Variants in ARHGAP32 observed in about 807,000 individuals in gnomAD.
The protein encoded by ARHGAP32 is rho GTPase-activating protein 32.
A neutral mutation model predicts 186.5 loss-of-function variants in ARHGAP32; 51 were observed. The ratio of observed to expected loss-of-function variants is 0.27; its 90% CI spans 0.22 to 0.35. The LOEUF is 0.35. Ranked by LOEUF, ARHGAP32 falls within the 10% of genes least tolerant of loss-of-function variation. The pLI, the probability that ARHGAP32 is intolerant of heterozygous loss-of-function variation, is 1.00. For missense variants in ARHGAP32, 2,186 were observed against 2,623.5 expected, an observed-to-expected ratio of 0.83 and a Z score of 3.64; for synonymous variants, 950 against 964.3, an observed-to-expected ratio of 0.99 and a Z score of 0.27.
rs1410122678 is a variant in ARHGAP32 at position 128,973,101 on chromosome 11, T to C, written c.3405A>G (p.Leu1135=). 2.0e-5 allele frequency: 33 copies of C among 1,614,036 alleles called. No individual in the cohort carries two copies. Among genetic ancestry groups the C allele is most frequent in the Non-Finnish European group, 2.8e-5 (33 of 1,180,034 alleles). The change falls in exon 22 of 23, where the codon CTA becomes CTG. Residue 1135 remains leucine (L), a synonymous_variant. Transcript: ENST00000682385. ...GATCCCCAGTAGCTGTTGTCTCTGG[T>C]AGAGGATGGTCACAGTTTCCTGGTG... is the stretch of plus-strand genomic sequence containing the variant. ...NNAPGNCDHP[L]PETTATGDPT... is the part of the protein sequence containing the mutation.
chr11:129,059,793 T>A (rs951483045), intron 10 of ARHGAP32, among the ~76,000 whole-genome samples: 4 of 152,000 alleles, frequency 2.6e-5, no homozygotes, highest in Non-Finnish European at 5.9e-5. Flanking sequence ...CCACTGCCCC[T>A]AGCCTGAATT....
chr11:129,177,159 C>T lies in ARHGAP32; in HGVS notation c.117-12732G>A, dbSNP rs573583924. On this transcript the variant is annotated intron_variant, in intron 1 of 22. Transcript: ENST00000682385. ...TACCATCAGAGAATACTACAAACACCTCTACGCAAATAAACTAGAAAATAT... is the reference window on the plus strand; with the variant it reads ...TACCATCAGAGAATACTACAAACACTTCTACGCAAATAAACTAGAAAATAT... Among the ~76,000 whole-genome samples the T allele has an allele frequency of 8.5e-5, 13 of 152,172 alleles. No homozygotes were observed. The East Asian group carries it at 2.3e-3, about 27-fold the overall frequency.
At position 129,192,124 on chromosome 11, in the gene ARHGAP32, C is replaced by T. The variant is rs1230042587; in HGVS notation, c.75G>A (p.Gln25=). 7.4e-6 allele frequency: 12 copies of T among 1,613,672 alleles called. No homozygotes were observed. The highest frequency in any genetic ancestry group is 1.7e-5 in the Admixed American group (1 of 59,988). ...VFWLESEVII[Q]VTDCEEEERE... ...TTTCTTCCTCTTCACAGTCAGTCAC[C>T]TGGATTATAACTTCAGACTCCAACC... The change falls in exon 1 of 23, where the codon CAG becomes CAA. Residue 25 remains glutamine (Q), a synonymous_variant. Transcript: ENST00000682385.
chr11:129,239,020 G>T (rs1944980432), intron 1 of ARHGAP32, among the ~76,000 whole-genome samples: 2 of 151,808 alleles, frequency 1.3e-5, no homozygotes, highest in African/African-American at 2.4e-5. Context: ...ATTATTTATA[G>T]AGTATTATTT....
At chr11:129,098,300 G>C (rs1941790220) in intron 5 of ARHGAP32, among the ~76,000 whole-genome samples, 2 of 152,132 alleles carry the variant, frequency 1.3e-5, no homozygotes, top group Admixed American at 6.5e-5. Flanking sequence ...AATTATAAAA[G>C]CCTGTATTAC....
At chr11:129,260,457 ACTT>A (rs1411718622) in intron 1 of ARHGAP32, among the ~76,000 whole-genome samples, 2 of 152,144 alleles carry the variant, frequency 1.3e-5, no homozygotes, top group Non-Finnish European at 2.9e-5. Flanking sequence ...ATAAACTAAA[ACTT>A]CTTTCTTAAA....
chr11:129,113,932 GCT>G (rs1942295999), intron 5 of ARHGAP32, among the ~76,000 whole-genome samples: 1 of 151,840 alleles, frequency 6.6e-6, no homozygotes, highest in Non-Finnish European at 1.5e-5. Flanking sequence ...TTCCACACAT[GCT>G]CTCTTTTTAC....
chr11:128,966,519 T>C lies in ARHGAP32; in HGVS notation c.*2388A>G, dbSNP rs1202092621. On this transcript the variant is annotated 3_prime_UTR_variant, in exon 23 of 23. Transcript: ENST00000682385. ...ATCTGAAGTTTGTGTTTCACGCTTGTAACAGTAATTGCAATCATCATTCTG... is the reference window on the plus strand; with the variant it reads ...ATCTGAAGTTTGTGTTTCACGCTTGCAACAGTAATTGCAATCATCATTCTG... 2 of 152,252 alleles carry C rather than the reference T, an allele frequency of 1.3e-5. No homozygotes were observed. Among genetic ancestry groups the C allele is most frequent in the Non-Finnish European group, 2.9e-5 (2 of 68,048 alleles). The allele number at this position is 152,252 out of a possible 1,614,324, so 9.4% of individuals were successfully genotyped here. A position where few individuals can be genotyped will look rare whatever the true frequency, so the allele number is the denominator to read the frequency against.
At chr11:129,124,618 T>C (rs1942614754) in intron 3 of ARHGAP32, among the ~76,000 whole-genome samples, 185 bp downstream of exon 3, 1 of 152,102 alleles carries the variant, frequency 6.6e-6, no homozygotes, top group Admixed American at 6.5e-5. Context: ...AAATAAAGTA[T>C]ATTTTAGAGG....
intron 1 of ARHGAP32, among the ~76,000 whole-genome samples, chr11:129,182,359 T>C (rs1024525351): frequency 3.3e-5 from 5 of 152,096 alleles, no homozygotes; most frequent in Non-Finnish European, 5.9e-5. Context: ...TTCTTAACCA[T>C]TTTTAGTTCT....
intron 5 of ARHGAP32, among the ~76,000 whole-genome samples, chr11:129,106,496 T>C (rs142211623): frequency 6.6e-6 from 1 of 151,818 alleles, no homozygotes; most frequent in Non-Finnish European, 1.5e-5. Context: ...ATAAAGATGG[T>C]AACAATAGAC....
At chr11:129,256,779 C>A (rs1945260320) in intron 1 of ARHGAP32, among the ~76,000 whole-genome samples, 2 of 152,068 alleles carry the variant, frequency 1.3e-5, no homozygotes, top group Admixed American at 1.3e-4. Context: ...AAAAGAAGTC[C>A]AAACTATAGT....
At chr11:128,994,183 T>C (rs1946138973) in intron 12 of ARHGAP32, among the ~76,000 whole-genome samples, 2 of 151,888 alleles carry the variant, frequency 1.3e-5, no homozygotes, top group Non-Finnish European at 2.9e-5. Context: ...AGATGGAGTC[T>C]CGCTCTTGTT....
chr11:128,998,295 T>C, intron 12 of ARHGAP32, 24 bp downstream of exon 12: 1 of 1,526,006 alleles, frequency 6.6e-7, no homozygotes, highest in Non-Finnish European at 8.8e-7. Flanking sequence ...ACTCAGAGTA[T>C]AAGCTTGCAC....
chr11:129,205,493 T>C (rs1475288324), intron 1 of ARHGAP32, among the ~76,000 whole-genome samples: 3 of 152,106 alleles, frequency 2.0e-5, no homozygotes, highest in Non-Finnish European at 4.4e-5. Context: ...TTTAAGAAAT[T>C]TGGGCTCAGA....
At chr11:128,975,725 A>C (rs973704281) in intron 20 of ARHGAP32, among the ~76,000 whole-genome samples, 5 of 152,122 alleles carry the variant, frequency 3.3e-5, no homozygotes, top group Admixed American at 2.0e-4. Flanking sequence ...TTAAAAAGTA[A>C]TTTAAAGAGG....
chr11:129,170,220 A>AC (rs1943729885), intron 1 of ARHGAP32, among the ~76,000 whole-genome samples: 1 of 151,758 alleles, frequency 6.6e-6, no homozygotes, highest in Admixed American at 6.6e-5. Context: ...CAAAAAAAAA[A>AC]AAAAACGGGA....
chr11:129,180,793 A>G (rs1944038414), intron 1 of ARHGAP32, among the ~76,000 whole-genome samples: 1 of 152,160 alleles, frequency 6.6e-6, no homozygotes, highest in African/African-American at 2.4e-5. Context: ...CTTCAGACTT[A>G]AACCTGAATG....
At chr11:129,111,551 T>A (rs763923379) in intron 5 of ARHGAP32, among the ~76,000 whole-genome samples, 1 of 152,166 alleles carries the variant, frequency 6.6e-6, no homozygotes, top group Non-Finnish European at 1.5e-5. Flanking sequence ...TAGAAGACTT[T>A]TTGTTACTAA....
Sources: allele counts gnomAD v4.1 joint callset (sites outside exome capture counted in the v4.1 genomes callset), GRCh38; gene constraint gnomAD v4.1.1; transcripts MANE v1.5; gene names NCBI Gene and HGNC (gene_info 2026-07-23, HGNC 2026-07-21).